The following PCDHGB2 variants were observed in gnomAD, a reference collection of about 807,000 sequenced individuals.
PCDHGB2 encodes protocadherin gamma subfamily B, 2.
PCDHGB2 carries 55 observed loss-of-function variants against 59.3 expected under a neutral mutation model. That is an observed-to-expected ratio of 0.93 (90% CI 0.75 to 1.16). PCDHGB2 has a LOEUF of 1.16. Ranked by LOEUF, PCDHGB2 falls within the 50% of genes most tolerant of loss-of-function variation. The pLI, the probability that PCDHGB2 is intolerant of heterozygous loss-of-function variation, is 0.00. For missense variants in PCDHGB2, 1,228 were observed against 1,198.5 expected (o/e 1.02, Z -0.36); for synonymous variants, 516 against 512.0 (o/e 1.01, Z -0.11).
intron 1 of PCDHGB2, chr5:141,395,537 ATTGT>A (rs1179408656): frequency 3.7e-5 from 9 of 243,938 alleles, no homozygotes; most frequent in Admixed American, 8.6e-5. Context: ...TAATTTTGCT[ATTGT>A]TTGTGTGTGT....
In PCDHGB2 at chr5:141,477,211, C is replaced by T. The variant is rs1282763530; in HGVS notation, c.2422-17596C>T. On this transcript the variant is annotated intron_variant, in intron 1 of 3. Coordinates refer to ENST00000522605, the MANE Select transcript of PCDHGB2 (RefSeq NM_018923.3). The surrounding 1 kb of genome is among the most constrained non-coding windows in gnomAD (Gnocchi z 4.9). ...TGTACAGCCCAGTACCCGAGGATGC[C>T]CCTCTGGGGACTGTCATCGCTTTGC... 2 of 1,614,154 alleles carry T rather than the reference C, an allele frequency of 1.2e-6. No individual in the cohort carries two copies. Among genetic ancestry groups the T allele is most frequent in the East Asian group, 4.5e-5 (2 of 44,870 alleles).
Position 141,432,292 on chromosome 5 carries a change from T to G in PCDHGB2, c.2422-62515T>G. 6.2e-7 allele frequency: 1 copy of G among 1,614,196 alleles called. No homozygotes were observed. The highest frequency in any genetic ancestry group is 8.5e-7 in the Non-Finnish European group (1 of 1,180,042). On this transcript the variant is annotated intron_variant, in intron 1 of 3. Transcript: ENST00000522605. This position sits in a 1 kb window ranked among gnomAD's most constrained non-coding sequence, Gnocchi z 6.0. Reference sequence around the variant, plus strand: ...CCTACGTGTCCATCAACTCCGACACTGGGGTACTGTATGCGCTGAGCTCCT... The same window carrying G: ...CCTACGTGTCCATCAACTCCGACACGGGGGTACTGTATGCGCTGAGCTCCT...
chr5:141,417,939 C>T, intron 1 of PCDHGB2: 1 of 1,612,862 alleles, frequency 6.2e-7, no homozygotes, highest in Non-Finnish European at 8.5e-7. Context: ...TTGTTCTACC[C>T]CACGCTGTGT....
At chr5:141,460,912 GTA>G (rs34683754) in intron 1 of PCDHGB2, among the ~76,000 whole-genome samples, 12 of 149,310 alleles carry the variant, frequency 8.0e-5, no homozygotes, top group African/African-American at 7.4e-5. Flanking sequence ...ATTCCATGGT[GTA>G]TATATATATA....
rs1036281905 is a variant in PCDHGB2 at position 141,493,555 on chromosome 5, T to C, written c.2422-1252T>C. ...GCCAGTTATCCTTTTGGAGATTGAG[T>C]TCCCCCAGCTCCGTTTCCTCCTATC... On this transcript the variant is annotated intron_variant, in intron 1 of 3. Transcript: ENST00000522605. This position sits in a 1 kb window ranked among gnomAD's most constrained non-coding sequence, Gnocchi z 4.3. Among the ~76,000 whole-genome samples, 3 of 152,012 alleles carry C rather than the reference T, an allele frequency of 2.0e-5. No individual in the cohort carries two copies. Among genetic ancestry groups the C allele is most frequent in the African/African-American group, 7.3e-5 (3 of 41,362 alleles).
intron 1 of PCDHGB2, chr5:141,394,054 AT>A: frequency 6.2e-7 from 1 of 1,613,802 alleles, no homozygotes; most frequent in Non-Finnish European, 8.5e-7. Flanking sequence ...GACCGAGAAA[AT>A]GTCTCTATCT....
intron 3 of PCDHGB2, among the ~76,000 whole-genome samples, chr5:141,508,871 A>T (rs981330486): frequency 5.3e-5 from 8 of 152,062 alleles, no homozygotes; most frequent in East Asian, 3.9e-4. Flanking sequence ...AAGGCTGAAG[A>T]GGCTGACGGC....
intron 1 of PCDHGB2, chr5:141,405,249 G>C: frequency 1.2e-6 from 2 of 1,614,128 alleles, no homozygotes; most frequent in Non-Finnish European, 1.7e-6. Flanking sequence ...TCAAGGAAGA[G>C]TCACCTGATC....
At chr5:141,385,465 G>T in intron 1 of PCDHGB2, 1 of 1,441,910 alleles carries the variant, frequency 6.9e-7, no homozygotes, top group Non-Finnish European at 9.1e-7. Flanking sequence ...TCCTTCAGTG[G>T]TGACACTTTA....
rs566635689 is a variant in PCDHGB2, at chr5:141,469,738, C to G, written c.2422-25069C>G. ...AGGAATTTATCATAAATACACACCT[C>G]AAAAATTACAAAAATACATATATAC... is the stretch of plus-strand genomic sequence containing the variant. On this transcript the variant is annotated intron_variant, in intron 1 of 3. Transcript: ENST00000522605. 6.7e-4 allele frequency among the ~76,000 whole-genome samples: 102 copies of G among 152,292 alleles called. 2 individuals are homozygous for G. Among genetic ancestry groups the G allele is most frequent in the African/African-American group, 2.4e-3 (99 of 41,552 alleles).
intron 1 of PCDHGB2, among the ~76,000 whole-genome samples, chr5:141,470,448 T>C (rs1384666661): frequency 6.6e-6 from 1 of 152,192 alleles, no homozygotes. Flanking sequence ...TTTAATAGCA[T>C]CTTGAATAGG....
chr5:141,375,967 G>T, intron 1 of PCDHGB2: 2 of 1,613,372 alleles, frequency 1.2e-6, no homozygotes, highest in East Asian at 2.2e-5. Flanking sequence ...AGGTGCGCAC[G>T]GCGCGCGCCC....
intron 1 of PCDHGB2, chr5:141,370,410 G>T (rs1294033268): frequency 6.4e-7 from 1 of 1,565,276 alleles, no homozygotes; most frequent in Non-Finnish European, 8.6e-7. Context: ...AAATAGCTCC[G>T]GATGGAGGGG....
chr5:141,441,905 C>G, intron 1 of PCDHGB2: 1 of 348,464 alleles, frequency 2.9e-6, no homozygotes, highest in Non-Finnish European at 5.5e-6. Flanking sequence ...GCTGTAGACG[C>G]AGATGTGAGA....
At chr5:141,398,746 T>TAC in intron 1 of PCDHGB2, 1 of 1,613,420 alleles carries the variant, frequency 6.2e-7, no homozygotes, top group South Asian at 1.1e-5. Context: ...ACAACAGAGT[T>TAC]ACCATCGTTT....
chr5:141,455,495 G>C (rs2098824459), intron 1 of PCDHGB2, among the ~76,000 whole-genome samples: 1 of 152,204 alleles, frequency 6.6e-6, no homozygotes, highest in East Asian at 1.9e-4. Flanking sequence ...GGTGATGTCT[G>C]ATTTGCATAG....
rs1216200329 is a variant in PCDHGB2, at chr5:141,491,485, C to G, written c.2422-3322C>G. ...CTTCTATAAGCAGTCCAGCCCCAAC[C>G]TGCAGGTGAGCTCGGACGGCACGCT... On this transcript the variant is annotated intron_variant, in intron 1 of 3. Coordinates refer to ENST00000522605, the MANE Select transcript of PCDHGB2 (RefSeq NM_018923.3). This position sits in a 1 kb window ranked among gnomAD's most constrained non-coding sequence, Gnocchi z 6.9. 6.2e-7 allele frequency: 1 copy of G among 1,614,148 alleles called. No individual in the cohort carries two copies. The highest frequency in any genetic ancestry group is 1.3e-5 in the African/African-American group (1 of 75,064).
intron 1 of PCDHGB2, chr5:141,378,812 C>A (rs1775174310): frequency 6.6e-6 from 1 of 152,148 alleles, no homozygotes; most frequent in Admixed American, 6.5e-5. Flanking sequence ...CAAACAGAAT[C>A]ATTGTTTCAT....
chr5:141,465,240 G>C (rs569146939), intron 1 of PCDHGB2, among the ~76,000 whole-genome samples: 22 of 152,168 alleles, frequency 1.4e-4, no homozygotes, highest in African/African-American at 5.3e-4. Flanking sequence ...TCAAGTTCAA[G>C]GCACTTTTGT....
Sources: allele counts gnomAD v4.1 joint callset (sites outside exome capture counted in the v4.1 genomes callset), GRCh38; gene constraint gnomAD v4.1.1; non-coding constraint Gnocchi (gnomAD v3.1); transcripts MANE v1.5; gene names NCBI Gene and HGNC (gene_info 2026-07-23, HGNC 2026-07-21).